The following NCAM2 variants were observed in gnomAD, a reference collection of about 807,000 sequenced individuals.
NCAM2 encodes neural cell adhesion molecule 2, also known as N-CAM-2.
NCAM2 carries 30 observed loss-of-function variants against 98.1 expected under a neutral mutation model. The observed-to-expected ratio is 0.31, with a 90% CI of 0.23 to 0.41. The LOEUF (loss-of-function observed/expected upper bound fraction) is 0.41, where lower values mean the gene tolerates loss of function less well. Among genes scored for constraint, NCAM2 ranks in the 10% least tolerant of loss-of-function variants. NCAM2 has a pLI of 1.00. For synonymous variants in NCAM2, 368 were observed against 342.4 expected, an observed-to-expected ratio of 1.07 and a Z score of -0.83; for missense variants, 867 against 1,005.8, an observed-to-expected ratio of 0.86 and a Z score of 1.87.
In NCAM2 at chr21:21,296,933, A is replaced by G. The variant is rs189711623; in HGVS notation, c.619+4692A>G. Among the ~76,000 whole-genome samples, 643 of 151,826 alleles carry G rather than the reference A, an allele frequency of 4.2e-3. 4 individuals are homozygous for G. Among genetic ancestry groups the G allele is most frequent in the Non-Finnish European group, 6.2e-3 (418 of 67,824 alleles). ...AGATTATGAGGTTGCAAGAGACATT[A>G]TGGTAGATGATACTGCTTATGTTCT... On this transcript the variant is annotated intron_variant, in intron 5 of 17. Coordinates refer to ENST00000400546, the MANE Select transcript of NCAM2 (RefSeq NM_004540.5).
At chr21:21,197,584 A>G (rs2069050666) in intron 1 of NCAM2, among the ~76,000 whole-genome samples, 1 of 152,222 alleles carries the variant, frequency 6.6e-6, no homozygotes, top group Non-Finnish European at 1.5e-5. Flanking sequence ...AGAGGCATAG[A>G]AATAAAGCAG....
In NCAM2 at chr21:21,338,450, C is replaced by T. The variant is rs766625819; in HGVS notation, c.960C>T (p.Leu320=). The change falls in exon 8 of 18, where the codon CTC becomes CTT. Residue 320 remains leucine, a synonymous_variant. Coordinates refer to ENST00000400546, the MANE Select transcript of NCAM2 (RefSeq NM_004540.5). The part of the protein sequence containing the change: ...ETTYENGQVT[L]VCDAEGEPIP... ...CATATGAGAATGGTCAAGTCACACTCGTATGTGATGCGGAAGGGGAGCCTA... is the reference window on the plus strand; with the variant it reads ...CATATGAGAATGGTCAAGTCACACTTGTATGTGATGCGGAAGGGGAGCCTA... 6.8e-6 allele frequency: 11 copies of T among 1,612,778 alleles called. No individual in the cohort carries two copies. Among genetic ancestry groups the T allele is most frequent in the South Asian group, 4.4e-5 (4 of 91,028 alleles).
At chr21:21,280,305 G>A (rs770795022) in intron 1 of NCAM2, among the ~76,000 whole-genome samples, 3 of 152,134 alleles carry the variant, frequency 2.0e-5, no homozygotes, top group South Asian at 4.1e-4. Context: ...GGAACAGATT[G>A]TCTGAGTGTG....
intron 15 of NCAM2, among the ~76,000 whole-genome samples, chr21:21,501,441 T>A (rs1453483259): frequency 6.6e-6 from 1 of 152,024 alleles, no homozygotes. Flanking sequence ...GATGAAATTA[T>A]ATAAGGGAAT....
intron 7 of NCAM2, 104 bp from the exon 8 acceptor site, chr21:21,338,285 A>C: frequency 9.4e-7 from 1 of 1,064,644 alleles, no homozygotes; most frequent in Non-Finnish European, 1.3e-6. Context: ...AAAGCTAATA[A>C]TATCATACTA....
intron 4 of NCAM2, among the ~76,000 whole-genome samples, chr21:21,291,258 GT>G (rs934214398): frequency 6.6e-6 from 1 of 151,804 alleles, no homozygotes; most frequent in Admixed American, 6.6e-5. Context: ...TGTACAAAGA[GT>G]TTCAAAATTG....
chr21:21,476,532 C>G (rs1985190542), intron 14 of NCAM2, among the ~76,000 whole-genome samples: 1 of 151,828 alleles, frequency 6.6e-6, no homozygotes, highest in African/African-American at 2.4e-5. Flanking sequence ...AATAATCACA[C>G]TGTTTTAGAT....
At chr21:21,234,798 C>T (rs773047196) in intron 1 of NCAM2, among the ~76,000 whole-genome samples, 6 of 151,898 alleles carry the variant, frequency 4.0e-5, no homozygotes, top group African/African-American at 7.2e-5. Flanking sequence ...ACGAGAAATG[C>T]CTGACCAACA....
chr21:21,259,181 C>T (rs917904314), intron 1 of NCAM2, among the ~76,000 whole-genome samples: 68 of 152,240 alleles, frequency 4.5e-4, no homozygotes, highest in African/African-American at 1.6e-3. Flanking sequence ...CCAACTTCCC[C>T]TCCCAACACA....
intron 5 of NCAM2, among the ~76,000 whole-genome samples, chr21:21,294,326 T>G (rs1601890170): frequency 2.0e-5 from 3 of 151,944 alleles, no homozygotes; most frequent in East Asian, 1.9e-4. Flanking sequence ...GAATATTTAG[T>G]TTTATATTTC....
At chr21:21,275,371 C>T (rs1385620353) in intron 1 of NCAM2, among the ~76,000 whole-genome samples, 2 of 151,266 alleles carry the variant, frequency 1.3e-5, no homozygotes, top group African/African-American at 2.4e-5. Context: ...ACCTGGGAGG[C>T]GGAGCTTGCA....
rs558087750 is a variant in NCAM2 at position 21,200,436 on chromosome 21, C to G, written c.56-80142C>G. The stretch of plus-strand genomic sequence containing the variant: ...AAAAAAAAAAAAAAAGCCTTGAAAT[C>G]TTTATTGTATTTCATTAACAGTTTT... On this transcript the variant is annotated intron_variant, in intron 1 of 17. Coordinates refer to ENST00000400546, the MANE Select transcript of NCAM2 (RefSeq NM_004540.5). Among the ~76,000 whole-genome samples, 19 of 145,970 alleles carry G rather than the reference C, an allele frequency of 1.3e-4. No individual in the cohort carries two copies. The South Asian group carries it at 4.1e-3, about 32-fold the overall frequency.
At chr21:21,233,688 TA>T (rs1334914045) in intron 1 of NCAM2, among the ~76,000 whole-genome samples, 1 of 151,742 alleles carries the variant, frequency 6.6e-6, no homozygotes, top group Admixed American at 6.6e-5. Context: ...CCACTATAGA[TA>T]CAAATAACAT....
chr21:21,482,939 G>A (rs1176140374), intron 15 of NCAM2, among the ~76,000 whole-genome samples: 1 of 151,920 alleles, frequency 6.6e-6, no homozygotes, highest in Non-Finnish European at 1.5e-5. Flanking sequence ...AACTATAGCA[G>A]ATTAATTGTT....
chr21:21,488,920 C>T (rs564078357), intron 15 of NCAM2, among the ~76,000 whole-genome samples: 3 of 152,092 alleles, frequency 2.0e-5, no homozygotes, highest in Admixed American at 2.0e-4. Flanking sequence ...GATAATGTAA[C>T]ATCCTTTAAA....
At chr21:21,263,007 A>G (rs1428451327) in intron 1 of NCAM2, among the ~76,000 whole-genome samples, 1 of 152,070 alleles carries the variant, frequency 6.6e-6, no homozygotes, top group Non-Finnish European at 1.5e-5. Flanking sequence ...CCACAACAAC[A>G]TGTGGGAATT....
At chr21:21,200,582 A>C (rs1012652796) in intron 1 of NCAM2, among the ~76,000 whole-genome samples, 12 of 152,128 alleles carry the variant, frequency 7.9e-5, no homozygotes, top group African/African-American at 2.7e-4. Flanking sequence ...TGAAACATAA[A>C]AACATAAAAT....
intron 9 of NCAM2, among the ~76,000 whole-genome samples, chr21:21,376,552 T>G (rs1212247783): frequency 6.6e-6 from 1 of 151,840 alleles, no homozygotes; most frequent in Non-Finnish European, 1.5e-5. Context: ...TTTTAGTTAT[T>G]GGTTTTAGCT....
At chr21:21,278,326 T>A (rs2147479047) in intron 1 of NCAM2, among the ~76,000 whole-genome samples, 1 of 152,228 alleles carries the variant, frequency 6.6e-6, no homozygotes, top group East Asian at 1.9e-4. Context: ...ATAAGGGCAA[T>A]CTCAAATTTC....
Sources: allele counts gnomAD v4.1 joint callset (sites outside exome capture counted in the v4.1 genomes callset), GRCh38; gene constraint gnomAD v4.1.1; transcripts MANE v1.5; gene names NCBI Gene and HGNC (gene_info 2026-07-23, HGNC 2026-07-21).